NDEL1: variants seen among roughly 807,000 people sequenced by gnomAD.
The protein encoded by NDEL1 is nudE neurodevelopment protein 1 like 1.
Under a neutral mutation model 45.7 loss-of-function variants are expected in NDEL1, and 9 were observed. That is an observed-to-expected ratio of 0.20 (90% confidence interval 0.12 to 0.34). The LOEUF (loss-of-function observed/expected upper bound fraction) is 0.34. Ranked by LOEUF, NDEL1 falls within the 10% of genes least tolerant of loss-of-function variation. The probability of loss-of-function intolerance (pLI) is 1.00; values close to 1 mark genes in which losing one functional copy is unlikely to be tolerated. For synonymous variants in NDEL1, 133 were observed against 158.6 expected (o/e 0.84, Z 1.21); for missense variants, 306 against 406.2 (o/e 0.75, Z 2.12).
chr17:8,463,104 C>G, intron 8 of NDEL1: 1 of 422,130 alleles, frequency 2.4e-6, no homozygotes, highest in Non-Finnish European at 4.3e-6. Flanking sequence ...TGAAAGGACA[C>G]ACATTTCATG....
chr17:8,436,849 TG>T (rs1909379083), intron 1 of NDEL1, among the ~76,000 whole-genome samples: 1 of 152,176 alleles, frequency 6.6e-6, no homozygotes, highest in South Asian at 2.1e-4. Flanking sequence ...GGAGCTGGGA[TG>T]GGGGTAATTA....
At chr17:8,470,194 T>TA (rs1387780663), downstream of NDEL1, among the ~76,000 whole-genome samples, 3 of 152,178 alleles carry the variant, frequency 2.0e-5, no homozygotes, top group African/African-American at 7.2e-5. This position sits in a 1 kb window ranked among gnomAD's most constrained non-coding sequence, Gnocchi z 4.2. Context: ...TTTGCCTGTC[T>TA]AGCTGAAGAG....
chr17:8,454,999 A>G lies in NDEL1; in HGVS notation c.792+112A>G, dbSNP rs544898200. 8 of 1,049,986 alleles carry G rather than the reference A, an allele frequency of 7.6e-6. No homozygotes were observed. In the African/African-American group the frequency reaches 9.7e-5, roughly 13 times the overall value. 65.0% of individuals were successfully genotyped at this position (1,049,986 alleles called of 1,614,324 possible). On this transcript the variant is annotated intron_variant, in intron 7 of 8. Transcript: ENST00000334527. ...ATACTTTCCTGTGGTAAAGGCTGTC[A>G]TGAAGCTCAGAAGCAAAAGCATCCA...
At chr17:8,451,448 C>T (rs1910499439) in intron 6 of NDEL1, among the ~76,000 whole-genome samples, 1 of 152,060 alleles carries the variant, frequency 6.6e-6, no homozygotes. Flanking sequence ...TCATGGGAGA[C>T]CTGAGGCCTT....
intron 1 of NDEL1, among the ~76,000 whole-genome samples, chr17:8,441,367 A>T (rs1176782536): frequency 1.3e-5 from 2 of 152,208 alleles, no homozygotes; most frequent in African/African-American, 4.8e-5. Context: ...AGGAGAATAC[A>T]ATTTTGTTCG....
chr17:8,444,091 G>A (rs919573605), intron 1 of NDEL1, 169 bp from the exon 2 acceptor site: 26 of 531,378 alleles, frequency 4.9e-5, no homozygotes, highest in Non-Finnish European at 7.7e-5. Flanking sequence ...CCCTGAGAGT[G>A]GAGCAGTGGA....
chr17:8,421,269 C>G (rs1398091099), intron 1 of NDEL1, among the ~76,000 whole-genome samples: 2 of 152,136 alleles, frequency 1.3e-5, no homozygotes, highest in East Asian at 3.8e-4. Flanking sequence ...ATAGGCCCCC[C>G]AAAAATGTTC....
upstream of NDEL1, among the ~76,000 whole-genome samples, chr17:8,434,623 A>G (rs1909140852): frequency 6.6e-6 from 1 of 152,210 alleles, no homozygotes; most frequent in South Asian, 2.1e-4. Context: ...TCTTCCTTTA[A>G]GTTTCCACTC....
rs1567724912 is a variant in NDEL1, at chr17:8,435,922, ACGCTGAGTGGAGCTCGGGGCTG to A, written c.-133_-112del. 2.2e-6 allele frequency: 1 copy of A among 448,330 alleles called. No homozygotes were observed. Among genetic ancestry groups the A allele is most frequent in the Non-Finnish European group, 4.5e-6 (1 of 223,312 alleles). The allele number at this position is 448,330 out of a possible 1,614,324, so 27.8% of individuals were successfully genotyped here. On this transcript the variant is annotated 5_prime_UTR_variant, in exon 1 of 9. Coordinates refer to ENST00000334527, the MANE Select transcript of NDEL1 (RefSeq NM_030808.5). ...TCGGGGAGGAGCCGGGCGCGGAGGTACGCTGAGTGGAGCTCGGGGCTGCGTAGGGGAGCTGAGCCGAGCGGCT... is the reference window on the plus strand; with the variant it reads ...TCGGGGAGGAGCCGGGCGCGGAGGTACGTAGGGGAGCTGAGCCGAGCGGCT...
chr17:8,437,935 G>A (rs1464908772), intron 1 of NDEL1, among the ~76,000 whole-genome samples: 1 of 149,826 alleles, frequency 6.7e-6, no homozygotes, highest in Non-Finnish European at 1.5e-5. Flanking sequence ...ATTAAAGAAA[G>A]ATGGGGTGGG....
chr17:8,448,471 T>C (rs938101745), intron 4 of NDEL1, 79 bp from the exon 5 acceptor site: 5 of 1,449,742 alleles, frequency 3.4e-6, no homozygotes, highest in Non-Finnish European at 4.7e-6. Context: ...TGTCACGAGA[T>C]AAACTGACAG....
chr17:8,448,411 G>C, intron 4 of NDEL1, 139 bp from the exon 5 acceptor site: 1 of 824,530 alleles, frequency 1.2e-6, no homozygotes, highest in East Asian at 2.7e-5. Context: ...TGGTCAGGAA[G>C]GGGCAAGATC....
rs1911712466 is a variant in NDEL1 at position 8,467,868 on chromosome 17, C to T, written c.*845C>T. 6.5e-6 allele frequency: 1 copy of T among 152,726 alleles called. No individual in the cohort carries two copies. The highest frequency in any genetic ancestry group is 2.1e-4 in the South Asian group (1 of 4,832). The allele number at this position is 152,726 out of a possible 1,614,324, so 9.5% of individuals were successfully genotyped here. ...TTCCAGGGTGGGCCGGTGCCAGCTC[C>T]GGGGTGGACTGAACAGCGGCGGCTG... On this transcript the variant is annotated 3_prime_UTR_variant, in exon 9 of 9. Transcript: ENST00000334527. This position sits in a 1 kb window ranked among gnomAD's most constrained non-coding sequence, Gnocchi z 6.3.
At chr17:8,461,568 T>G (rs1301330048) in intron 8 of NDEL1, among the ~76,000 whole-genome samples, 1 of 152,194 alleles carries the variant, frequency 6.6e-6, no homozygotes, top group Admixed American at 6.5e-5. Context: ...TTCTAACCAT[T>G]GGGTTTCCTC....
At chr17:8,447,514 A>G (rs1910160285) in intron 4 of NDEL1, among the ~76,000 whole-genome samples, 1 of 152,156 alleles carries the variant, frequency 6.6e-6, no homozygotes, top group African/African-American at 2.4e-5. Flanking sequence ...TGCTCTTAAC[A>G]CTTCCATACT....
chr17:8,448,699 A>G lies in NDEL1; in HGVS notation c.526+13A>G. 3.7e-6 allele frequency: 6 copies of G among 1,603,830 alleles called. No individual in the cohort carries two copies. Among genetic ancestry groups the G allele is most frequent in the Non-Finnish European group, 5.1e-6 (6 of 1,173,118 alleles). ...GATGAAGCAAGAGGTAAAATTTATA[A>G]CTTAAAGAATACAGTTGACCCTTGA... On this transcript the variant is annotated intron_variant, in intron 5 of 8. Coordinates refer to ENST00000334527, the MANE Select transcript of NDEL1 (RefSeq NM_030808.5).
At chr17:8,441,378 C>T (rs1319259667) in intron 1 of NDEL1, among the ~76,000 whole-genome samples, 1 of 152,108 alleles carries the variant, frequency 6.6e-6, no homozygotes, top group Non-Finnish European at 1.5e-5. Flanking sequence ...ATTTTGTTCG[C>T]CAAATCCTGG....
chr17:8,432,374 A>ATATT (rs1296941391), upstream of NDEL1, among the ~76,000 whole-genome samples: 1 of 66,720 alleles, frequency 1.5e-5, no homozygotes, highest in African/African-American at 5.5e-5. Flanking sequence ...ATATATATTT[A>ATATT]ATGGCAGGCC....
intron 5 of NDEL1, 51 bp from the exon 6 acceptor site, chr17:8,450,729 T>C (rs1425786970): frequency 2.7e-6 from 4 of 1,496,868 alleles, no homozygotes; most frequent in Non-Finnish European, 3.6e-6. Flanking sequence ...TTGCTTGATA[T>C]ATTTGCTCCC....
Sources: allele counts gnomAD v4.1 joint callset (sites outside exome capture counted in the v4.1 genomes callset), GRCh38; gene constraint gnomAD v4.1.1; non-coding constraint Gnocchi (gnomAD v3.1); transcripts MANE v1.5; gene names NCBI Gene and HGNC (gene_info 2026-07-23, HGNC 2026-07-21).